The following PRKN variants were observed in gnomAD, a reference collection of about 807,000 sequenced individuals.
PRKN encodes the protein E3 ubiquitin-protein ligase parkin.
A neutral mutation model predicts 59.5 loss-of-function variants in PRKN; 56 were observed. That is an observed-to-expected ratio of 0.94 (90% CI 0.76 to 1.18). PRKN has a LOEUF of 1.18. PRKN is among the 50% of genes most tolerant of loss of function. The pLI, the probability that PRKN is intolerant of heterozygous loss-of-function variation, is 0.00. For synonymous variants in PRKN, 250 were observed against 222.1 expected, an observed-to-expected ratio of 1.13 and a Z score of -1.12; for missense variants, 657 against 596.4, an observed-to-expected ratio of 1.10 and a Z score of -1.06.
At chr6:161,389,960 C>A (rs919215914) in intron 9 of PRKN, among the ~76,000 whole-genome samples, 1 of 152,120 alleles carries the variant, frequency 6.6e-6, no homozygotes, top group African/African-American at 2.4e-5. Context: ...AAGGGAAGAG[C>A]ATATCAAATG....
chr6:161,461,842 C>T lies in PRKN; in HGVS notation c.1084-74965G>A, dbSNP rs1184849737. Among the ~76,000 whole-genome samples the T allele has an allele frequency of 6.6e-6, 1 of 152,104 alleles. No individual in the cohort carries two copies. Among genetic ancestry groups the T allele is most frequent in the East Asian group, 1.9e-4 (1 of 5,188 alleles). On this transcript the variant is annotated intron_variant, in intron 9 of 11. Transcript: ENST00000366898. The surrounding 1 kb of genome is among the most constrained non-coding windows in gnomAD (Gnocchi z 5.1). ...CTCTAGAGAATGGTCTAGTTAGAGACACAGACTTGGGGCCTATCAACTATA... is the reference window on the plus strand; with the variant it reads ...CTCTAGAGAATGGTCTAGTTAGAGATACAGACTTGGGGCCTATCAACTATA...
chr6:161,349,670 A>G lies in PRKN; in HGVS notation c.*429T>C. On this transcript the variant is annotated 3_prime_UTR_variant, in exon 12 of 12. Coordinates refer to ENST00000366898, the MANE Select transcript of PRKN (RefSeq NM_004562.3). The surrounding 1 kb of genome is among the most constrained non-coding windows in gnomAD (Gnocchi z 5.5). ...ATCTTCATGGTGTTTACTGAAGGTA[A>G]AAGGCAGGATATTAAATGTGAGAAC... is the stretch of plus-strand genomic sequence containing the variant. 3.2e-6 allele frequency: 1 copy of G among 310,966 alleles called. No individual in the cohort carries two copies. The highest frequency in any genetic ancestry group is 4.6e-5 in the Admixed American group (1 of 21,552). The allele number at this position is 310,966 out of a possible 1,614,324, so 19.3% of individuals were successfully genotyped here.
At chr6:162,241,998 A>T (rs1222416466) in intron 3 of PRKN, among the ~76,000 whole-genome samples, 1 of 152,154 alleles carries the variant, frequency 6.6e-6, no homozygotes, top group African/African-American at 2.4e-5. Flanking sequence ...TATTTATTCA[A>T]TTACAACACA....
chr6:162,065,293 G>A (rs994708582), intron 4 of PRKN, among the ~76,000 whole-genome samples: 2 of 152,164 alleles, frequency 1.3e-5, no homozygotes, highest in Non-Finnish European at 2.9e-5. Flanking sequence ...GAGTCCAAAG[G>A]CTGAAGAACC....
chr6:162,518,613 C>T (rs1284838480), intron 1 of PRKN, among the ~76,000 whole-genome samples: 4 of 152,104 alleles, frequency 2.6e-5, no homozygotes, highest in Admixed American at 2.6e-4. Context: ...GTGATCCGCC[C>T]ACCTTGGGAT....
chr6:162,441,544 C>T (rs150469126), intron 2 of PRKN, among the ~76,000 whole-genome samples: 89 of 152,138 alleles, frequency 5.8e-4, no homozygotes, highest in African/African-American at 2.1e-3. Flanking sequence ...GTTTCATATT[C>T]TTATATTATA....
At chr6:161,867,740 C>CATTTATTTATTT (rs58083987) in intron 6 of PRKN, among the ~76,000 whole-genome samples, 68,750 of 137,298 alleles carry the variant, frequency 0.5, 17,960 homozygotes, top group Non-Finnish European at 0.57. Flanking sequence ...AAAAATCTTT[C>CATTTATTTATTT]ATTTATTTAT....
At chr6:162,026,192 G>A (rs946070626) in intron 5 of PRKN, among the ~76,000 whole-genome samples, 1 of 152,110 alleles carries the variant, frequency 6.6e-6, no homozygotes, top group Non-Finnish European at 1.5e-5. Context: ...TATCACTTCC[G>A]CAACTCCGTG....
chr6:162,480,339 T>C (rs1583646124), intron 1 of PRKN, among the ~76,000 whole-genome samples: 1 of 152,278 alleles, frequency 6.6e-6, no homozygotes, highest in East Asian at 1.9e-4. Flanking sequence ...GGTCTGTCAC[T>C]AACTGAAATG....
intron 1 of PRKN, among the ~76,000 whole-genome samples, chr6:162,473,466 A>T (rs1475483550): frequency 6.6e-6 from 1 of 152,154 alleles, no homozygotes; most frequent in Non-Finnish European, 1.5e-5. Context: ...CATAGTTTCT[A>T]GAACAGTGCT....
chr6:161,715,902 C>T (rs371411359), intron 7 of PRKN, among the ~76,000 whole-genome samples: 1 of 152,176 alleles, frequency 6.6e-6, no homozygotes, highest in Non-Finnish European at 1.5e-5. Context: ...CACACCAGCA[C>T]CATCAGCAAC....
At chr6:162,146,145 C>G (rs985049466) in intron 4 of PRKN, among the ~76,000 whole-genome samples, 52 of 152,254 alleles carry the variant, frequency 3.4e-4, no homozygotes, top group African/African-American at 1.2e-3. Flanking sequence ...AGACCCTATT[C>G]TCCCAACTGA....
chr6:162,557,756 T>C (rs1779668763), intron 1 of PRKN, among the ~76,000 whole-genome samples: 1 of 152,198 alleles, frequency 6.6e-6, no homozygotes, highest in Non-Finnish European at 1.5e-5. Context: ...GTGATCCACC[T>C]GCCTCGGCCT....
intron 2 of PRKN, among the ~76,000 whole-genome samples, chr6:162,439,424 G>C (rs1247228236): frequency 7.4e-6 from 1 of 135,624 alleles, no homozygotes; most frequent in African/African-American, 2.8e-5. Flanking sequence ...TATATATGTT[G>C]ACATTTCCTG....
chr6:162,605,201 T>C (rs959374639), intron 1 of PRKN, among the ~76,000 whole-genome samples: 1 of 152,134 alleles, frequency 6.6e-6, no homozygotes, highest in Non-Finnish European at 1.5e-5. Flanking sequence ...GGCTAAAATA[T>C]AGACTAAATG....
rs1338145949 is a variant in PRKN at position 161,348,451 on chromosome 6, T to C, written c.*1648A>G. On this transcript the variant is annotated 3_prime_UTR_variant, in exon 12 of 12. Coordinates refer to ENST00000366898, the MANE Select transcript of PRKN (RefSeq NM_004562.3). The surrounding 1 kb of genome is among the most constrained non-coding windows in gnomAD (Gnocchi z 4.9). The stretch of plus-strand genomic sequence containing the variant: ...TAGATTTTCAGACAGTGAAGCCACA[T>C]GAAGCTGTGAATGCTGATGTGGCTG... 4.5e-6 allele frequency: 1 copy of C among 220,408 alleles called. No individual in the cohort carries two copies. The highest frequency in any genetic ancestry group is 6.6e-5 in the East Asian group (1 of 15,162). The allele number at this position is 220,408 out of a possible 1,614,324, so 13.7% of individuals were successfully genotyped here.
intron 7 of PRKN, among the ~76,000 whole-genome samples, chr6:161,681,293 T>C (rs1397939382): frequency 1.3e-5 from 2 of 152,220 alleles, no homozygotes; most frequent in Non-Finnish European, 2.9e-5. Context: ...TGGGTATGCT[T>C]TTGTGGCCAA....
At chr6:161,938,145 A>C (rs1310915833) in intron 6 of PRKN, among the ~76,000 whole-genome samples, 1 of 152,170 alleles carries the variant, frequency 6.6e-6, no homozygotes, top group Non-Finnish European at 1.5e-5. Context: ...ATTTCATCAG[A>C]TCTGACATTC....
intron 1 of PRKN, among the ~76,000 whole-genome samples, chr6:162,544,908 C>T (rs1463760439): frequency 6.7e-6 from 1 of 150,278 alleles, no homozygotes; most frequent in Admixed American, 6.6e-5. Context: ...AACTCCTGAC[C>T]TCAGGTGATC....
Sources: gnomAD v4.1 joint callset for allele counts (sites outside exome capture counted in the v4.1 genomes callset) on GRCh38, gnomAD v4.1.1 for gene constraint, Gnocchi (gnomAD v3.1) non-coding constraint, MANE v1.5 for transcripts, NCBI Gene and HGNC (gene_info 2026-07-23, HGNC 2026-07-21) for gene names.